MTHFD1L: variants seen among roughly 807,000 people sequenced by gnomAD.
The protein encoded by MTHFD1L is methylenetetrahydrofolate dehydrogenase (NADP+ dependent) 1 like.
Under a neutral mutation model 119.5 loss-of-function variants are expected in MTHFD1L, and 81 were observed. The observed-to-expected ratio is 0.68, with a 90% CI of 0.57 to 0.82. The LOEUF (loss-of-function observed/expected upper bound fraction) is 0.82, where lower values mean the gene tolerates loss of function less well. Ranked by LOEUF, MTHFD1L falls within the 40% of genes least tolerant of loss-of-function variation. MTHFD1L has a pLI of 0.00. For missense variants in MTHFD1L, 1,125 were observed against 1,253.4 expected, an observed-to-expected ratio of 0.90 and a Z score of 1.55; for synonymous variants, 430 against 475.2, an observed-to-expected ratio of 0.90 and a Z score of 1.24.
rs571379602 is a variant in MTHFD1L at position 150,968,140 on chromosome 6, C to T, written c.2013+3103C>T. ...AGAAGCCACAGGAATGTGCAGCCCC[C>T]GTCCCTCTGCTGTCATTGCAGTACA... On this transcript the variant is annotated intron_variant, in intron 19 of 27. Coordinates refer to ENST00000367321, the MANE Select transcript of MTHFD1L (RefSeq NM_015440.5). Among the ~76,000 whole-genome samples, 282 of 152,160 alleles carry T rather than the reference C, an allele frequency of 1.9e-3. 2 individuals are homozygous for T. Among genetic ancestry groups the T allele is most frequent in the Non-Finnish European group, 2.6e-3 (180 of 68,014 alleles).
At chr6:151,027,650 A>G (rs1183077465) in intron 24 of MTHFD1L, among the ~76,000 whole-genome samples, 1 of 146,468 alleles carries the variant, frequency 6.8e-6, no homozygotes, top group Admixed American at 6.8e-5. Context: ...TTTTTTCTTT[A>G]AAGATTACAC....
At chr6:151,018,521 A>G (rs1783479306) in intron 24 of MTHFD1L, among the ~76,000 whole-genome samples, 1 of 152,192 alleles carries the variant, frequency 6.6e-6, no homozygotes, top group Non-Finnish European at 1.5e-5. Flanking sequence ...TACAGACAAG[A>G]AAACTAAAGC....
chr6:150,969,512 CAAAA>C (rs35902929), intron 19 of MTHFD1L, among the ~76,000 whole-genome samples: 2 of 126,712 alleles, frequency 1.6e-5, no homozygotes, highest in Non-Finnish European at 3.4e-5. Flanking sequence ...GACCCTGCCT[CAAAA>C]AAAAAAAAAA....
intron 7 of MTHFD1L, among the ~76,000 whole-genome samples, chr6:150,903,961 C>T (rs999768458): frequency 2.0e-5 from 3 of 152,186 alleles, no homozygotes; most frequent in African/African-American, 7.2e-5. Context: ...CATGCATTTA[C>T]ATTTTTATCG....
chr6:150,877,227 A>G (rs1171143862), intron 2 of MTHFD1L, among the ~76,000 whole-genome samples: 1 of 151,902 alleles, frequency 6.6e-6, no homozygotes, highest in Non-Finnish European at 1.5e-5. Flanking sequence ...TAATGTTTGT[A>G]TTTTTTGTAG....
intron 19 of MTHFD1L, among the ~76,000 whole-genome samples, chr6:150,966,413 C>A (rs968143635): frequency 6.6e-6 from 1 of 152,192 alleles, no homozygotes; most frequent in African/African-American, 2.4e-5. Flanking sequence ...GGGAAATTCA[C>A]TCCCAGAATC....
intron 7 of MTHFD1L, among the ~76,000 whole-genome samples, chr6:150,894,876 C>T (rs568051534): frequency 2.6e-5 from 4 of 152,336 alleles, no homozygotes; most frequent in African/African-American, 4.8e-5. Context: ...TTGTAACTTA[C>T]GCCCGTTGAG....
At chr6:150,872,420 C>T (rs968119352) in intron 1 of MTHFD1L, among the ~76,000 whole-genome samples, 2 of 152,004 alleles carry the variant, frequency 1.3e-5, no homozygotes, top group Non-Finnish European at 1.5e-5. Flanking sequence ...TACTAATTGT[C>T]CTAATTTCAA....
intron 26 of MTHFD1L, among the ~76,000 whole-genome samples, chr6:151,050,127 C>T (rs1229538840): frequency 6.6e-6 from 1 of 152,212 alleles, no homozygotes; most frequent in Non-Finnish European, 1.5e-5. Flanking sequence ...CCTCGCCCTA[C>T]ACACCTCTTC....
At chr6:150,972,173 C>A in intron 20 of MTHFD1L, 115 bp downstream of exon 20, 1 of 882,838 alleles carries the variant, frequency 1.1e-6, no homozygotes, top group Non-Finnish European at 1.8e-6. Context: ...CAGGCACCCT[C>A]TTTCATAGAG....
intron 24 of MTHFD1L, among the ~76,000 whole-genome samples, chr6:151,032,221 A>T (rs1052387102): frequency 3.9e-5 from 6 of 152,204 alleles, no homozygotes; most frequent in Non-Finnish European, 5.9e-5. Context: ...GGATAAAGAA[A>T]AGTAGTTTAT....
At chr6:150,996,663 G>T (rs1779844797) in intron 20 of MTHFD1L, among the ~76,000 whole-genome samples, 1 of 152,160 alleles carries the variant, frequency 6.6e-6, no homozygotes, top group African/African-American at 2.4e-5. Flanking sequence ...GGCCTGAGCA[G>T]CCGGCTGGGC....
At chr6:151,058,997 G>A (rs1448354056) in intron 26 of MTHFD1L, among the ~76,000 whole-genome samples, 1 of 150,692 alleles carries the variant, frequency 6.6e-6, no homozygotes, top group African/African-American at 2.4e-5. Flanking sequence ...TAAAGGAAAT[G>A]TGTTGGTTTT....
intron 8 of MTHFD1L, among the ~76,000 whole-genome samples, chr6:150,911,742 G>T (rs1351809464): frequency 6.6e-6 from 1 of 152,144 alleles, no homozygotes; most frequent in East Asian, 1.9e-4. Flanking sequence ...GTTCCACATG[G>T]CTGGGGAGGC....
Position 150,926,080 on chromosome 6 carries a change from C to T in MTHFD1L, c.1083-42C>T. 1 of 1,571,984 alleles carries T rather than the reference C, an allele frequency of 6.4e-7. No individual in the cohort carries two copies. The highest frequency in any genetic ancestry group is 8.7e-7 in the Non-Finnish European group (1 of 1,152,830). On this transcript the variant is annotated intron_variant, in intron 10 of 27. Coordinates refer to ENST00000367321, the MANE Select transcript of MTHFD1L (RefSeq NM_015440.5). This position sits in a 1 kb window ranked among gnomAD's most constrained non-coding sequence, Gnocchi z 4.3. ...TTCACTCCAGTTGTGACCACCTAAGCTGAGAAGCCTTTTCTCTCTTTCGTA... is the reference window on the plus strand; with the variant it reads ...TTCACTCCAGTTGTGACCACCTAAGTTGAGAAGCCTTTTCTCTCTTTCGTA...
intron 26 of MTHFD1L, among the ~76,000 whole-genome samples, chr6:151,059,682 C>T (rs147679501): frequency 1.2e-3 from 187 of 152,194 alleles, no homozygotes; most frequent in African/African-American, 3.7e-3. Flanking sequence ...TCAAGCTGCC[C>T]GGAGACTGGC....
At chr6:151,032,805 T>G (rs1785534453) in intron 24 of MTHFD1L, among the ~76,000 whole-genome samples, 1 of 152,200 alleles carries the variant, frequency 6.6e-6, no homozygotes, top group Non-Finnish European at 1.5e-5. Flanking sequence ...TGTTAGAATA[T>G]TCAATATTTA....
At chr6:150,931,049 A>T (rs1790947234) in intron 11 of MTHFD1L, among the ~76,000 whole-genome samples, 1 of 152,216 alleles carries the variant, frequency 6.6e-6, no homozygotes, top group African/African-American at 2.4e-5. Context: ...TCCCAGTTAC[A>T]CTAATGAAAA....
At chr6:150,940,357 A>G (rs141880438) in intron 13 of MTHFD1L, among the ~76,000 whole-genome samples, 289 of 152,242 alleles carry the variant, frequency 1.9e-3, no homozygotes, top group African/African-American at 6.5e-3. Context: ...AGAGTAGTCC[A>G]AGGCACTGCT....
Sources: allele counts gnomAD v4.1 joint callset (sites outside exome capture counted in the v4.1 genomes callset), GRCh38; gene constraint gnomAD v4.1.1; non-coding constraint Gnocchi (gnomAD v3.1); transcripts MANE v1.5; gene names NCBI Gene and HGNC (gene_info 2026-07-23, HGNC 2026-07-21).